NCOA6: variants seen among roughly 807,000 people sequenced by gnomAD.
NCOA6 encodes the protein NRC RAP250.
In NCOA6, 49 loss-of-function variants were observed where a neutral mutation model predicts 171.4. The ratio of observed to expected loss-of-function variants is 0.29; its 90% confidence interval spans 0.23 to 0.36. The LOEUF (loss-of-function observed/expected upper bound fraction) is 0.36, where lower values mean the gene tolerates loss of function less well. Among genes scored for constraint, NCOA6 ranks in the 10% least tolerant of loss-of-function variants. The pLI, the probability that NCOA6 is intolerant of heterozygous loss-of-function variation, is 1.00. For synonymous variants in NCOA6, 910 were observed against 927.5 expected, an observed-to-expected ratio of 0.98 and a Z score of 0.34; for missense variants, 2,248 against 2,554.5, an observed-to-expected ratio of 0.88 and a Z score of 2.59.
intron 8 of NCOA6, among the ~76,000 whole-genome samples, chr20:34,752,888 T>TG (rs2076530791): frequency 6.9e-6 from 1 of 145,234 alleles, no homozygotes; most frequent in African/African-American, 2.6e-5. Flanking sequence ...CACTCCAGCT[T>TG]GGGCACAAGA....
At chr20:34,791,462 A>G (rs533762585) in intron 2 of NCOA6, among the ~76,000 whole-genome samples, 5 of 152,160 alleles carry the variant, frequency 3.3e-5, no homozygotes, top group Admixed American at 1.3e-4. Flanking sequence ...CTTTGTTCCT[A>G]ATAGCACTCC....
intron 1 of NCOA6, among the ~76,000 whole-genome samples, chr20:34,807,326 C>A (rs2078486888): frequency 6.6e-6 from 1 of 152,188 alleles, no homozygotes; most frequent in Non-Finnish European, 1.5e-5. Context: ...CCAGCCCTGG[C>A]TGACACCTTG....
At chr20:34,791,799 T>C (rs2077894920) in intron 2 of NCOA6, among the ~76,000 whole-genome samples, 1 of 151,960 alleles carries the variant, frequency 6.6e-6, no homozygotes, top group African/African-American at 2.4e-5. Flanking sequence ...ATACTGTACA[T>C]GAAGGAAATT....
intron 2 of NCOA6, among the ~76,000 whole-genome samples, chr20:34,782,999 G>C (rs908820821): frequency 1.2e-4 from 19 of 152,094 alleles, no homozygotes; most frequent in African/African-American, 4.3e-4. Context: ...TTATATGAAA[G>C]GGCTGGGCGC....
In NCOA6 at chr20:34,741,721, T is replaced by C; in HGVS notation, c.4535A>G (p.Asp1512Gly). 1 of 1,614,214 alleles carries C rather than the reference T, an allele frequency of 6.2e-7. No individual in the cohort carries two copies. The highest frequency in any genetic ancestry group is 8.5e-7 in the Non-Finnish European group (1 of 1,180,036). Residue 1512 changes from aspartate (D) to glycine (G), a missense_variant, in exon 11 of 15, where the codon GAT becomes GGT. Physicochemically the swap from Asp to Gly is moderately conservative, Grantham distance 94. Coordinates refer to ENST00000359003, the MANE Select transcript of NCOA6 (RefSeq NM_014071.5). ...AACTACTGGAGGTGTTACTTCCAGATCTGTAAGCCCAGGGGGTTTAATTGT... is the reference window on the plus strand; with the variant it reads ...AACTACTGGAGGTGTTACTTCCAGACCTGTAAGCCCAGGGGGTTTAATTGT... The part of the protein sequence containing the change: ...NVTIKPPGLT[D>G]LEVTPPVVSG...
intron 14 of NCOA6, among the ~76,000 whole-genome samples, chr20:34,719,013 A>C (rs1988956691): frequency 6.6e-6 from 1 of 152,244 alleles, no homozygotes; most frequent in Admixed American, 6.5e-5. Flanking sequence ...CTAGCAGTGT[A>C]GTCAAATCAT....
chr20:34,799,207 A>G (rs116060136), intron 1 of NCOA6, among the ~76,000 whole-genome samples: 2,149 of 152,284 alleles, frequency 0.014, 59 homozygotes, highest in African/African-American at 0.049. Flanking sequence ...CATACTAAAG[A>G]ATGCATCAGT....
intron 14 of NCOA6, among the ~76,000 whole-genome samples, chr20:34,725,182 C>T (rs1056587369): frequency 1.3e-5 from 2 of 152,294 alleles, no homozygotes; most frequent in South Asian, 4.1e-4. Context: ...TTGATAATTA[C>T]TGATTGGTAC....
chr20:34,782,195 C>T lies in NCOA6; in HGVS notation c.161G>A (p.Gly54Glu). ...TTTGAAGTCTTTATCATCTATATTT[C>T]CTTTGAAGGCCACAAAAATTGTGGA... ...EDSTIFVAFK[G>E]NIDDKDFKWK... The change falls in exon 3 of 15, where the codon GGA (glycine) becomes GAA (glutamate). Residue 54 changes from glycine (G) to glutamate (E), a missense_variant. By Grantham distance (98) the Gly-to-Glu change is moderately conservative. Around this residue, in one of 7 missense-constraint regions of NCOA6, gnomAD observed 987 missense variants for 1,104.7 expected, o/e 0.89. Coordinates refer to ENST00000359003, the MANE Select transcript of NCOA6 (RefSeq NM_014071.5). 2 of 1,612,416 alleles carry T rather than the reference C, an allele frequency of 1.2e-6. No individual in the cohort carries two copies. Among genetic ancestry groups the T allele is most frequent in the East Asian group, 4.5e-5 (2 of 44,744 alleles).
At chr20:34,728,516 G>A (rs1298622966) in intron 13 of NCOA6, among the ~76,000 whole-genome samples, 13 of 152,072 alleles carry the variant, frequency 8.5e-5, no homozygotes, top group Admixed American at 7.9e-4. Flanking sequence ...TTGGGTACAG[G>A]CCAGGGATGC....
intron 1 of NCOA6, among the ~76,000 whole-genome samples, chr20:34,811,806 C>T (rs2146631245): frequency 6.6e-6 from 1 of 152,284 alleles, no homozygotes; most frequent in Admixed American, 6.5e-5. Context: ...AACCACACAA[C>T]CTTAAATGTT....
chr20:34,774,275 T>C (rs2077242738), intron 4 of NCOA6, among the ~76,000 whole-genome samples: 1 of 152,250 alleles, frequency 6.6e-6, no homozygotes, highest in Non-Finnish European at 1.5e-5. Flanking sequence ...CCACATATTG[T>C]TATTTTATCC....
chr20:34,742,655 C>G lies in NCOA6; in HGVS notation c.3601G>C (p.Ala1201Pro). ...SSHGHHFPNVAAPTQTSRPKT... is the reference protein window; with the variant it reads ...SSHGHHFPNVPAPTQTSRPKT... ...GGCCTAGATGTCTGGGTTGGCGCAGCCACATTTGGGAAGTGGTGGCCGTGA... is the reference window on the plus strand; with the variant it reads ...GGCCTAGATGTCTGGGTTGGCGCAGGCACATTTGGGAAGTGGTGGCCGTGA... The change falls in exon 11 of 15, where the codon GCT becomes CCT. Residue 1201 changes from alanine (A) to proline (P), a missense_variant. By Grantham distance (27) the Ala-to-Pro change is conservative (BLOSUM62 -1). Transcript: ENST00000359003. 6.2e-7 allele frequency: 1 copy of G among 1,614,140 alleles called. No homozygotes were observed. Among genetic ancestry groups the G allele is most frequent in the Non-Finnish European group, 8.5e-7 (1 of 1,180,024 alleles).
At chr20:34,745,273 T>C (rs1195588341) in intron 10 of NCOA6, among the ~76,000 whole-genome samples, 1 of 152,206 alleles carries the variant, frequency 6.6e-6, no homozygotes, top group Non-Finnish European at 1.5e-5. Context: ...TTTAAGACAC[T>C]GCATAGCAAC....
At chr20:34,799,798 G>C (rs1201462190) in intron 1 of NCOA6, among the ~76,000 whole-genome samples, 2 of 152,078 alleles carry the variant, frequency 1.3e-5, no homozygotes, top group Non-Finnish European at 2.9e-5. Flanking sequence ...CCAAACAAAA[G>C]CTGAGGGATT....
At chr20:34,810,460 C>A (rs926304552) in intron 1 of NCOA6, among the ~76,000 whole-genome samples, 1 of 152,126 alleles carries the variant, frequency 6.6e-6, no homozygotes, top group African/African-American at 2.4e-5. Flanking sequence ...AACACATGTC[C>A]TGGGTTCATA....
intron 5 of NCOA6, among the ~76,000 whole-genome samples, chr20:34,760,029 G>C (rs2076768855): frequency 6.6e-6 from 1 of 152,160 alleles, no homozygotes; most frequent in Non-Finnish European, 1.5e-5. Flanking sequence ...TGTAATCCCA[G>C]AGCTTTTGGA....
intron 1 of NCOA6, among the ~76,000 whole-genome samples, chr20:34,810,166 C>T (rs1046045800): frequency 1.3e-4 from 20 of 152,124 alleles, no homozygotes; most frequent in Non-Finnish European, 7.3e-5. Context: ...CATCAATTAA[C>T]ACATTTTTAC....
rs1256846506 is a variant in NCOA6 at position 34,742,862 on chromosome 20, G to C, written c.3394C>G (p.Leu1132Val). ...GCTTCACTGCCACTTGCTTCAGGGA[G>C]TGAGGCCATCTCCGCCAGTGGCGAG... The part of the protein sequence containing the change: ...SSSPLAEMAS[L>V]PEASGSEAPS... Residue 1132 changes from leucine to valine, a missense_variant, in exon 11 of 15, where the codon CTC (leucine) becomes GTC (valine). Leu to Val is a conservative substitution (Grantham distance 32, BLOSUM62 1). Around this residue, in one of 7 missense-constraint regions of NCOA6, gnomAD observed 352 missense variants for 419.1 expected, o/e 0.84. Transcript: ENST00000359003. 4.3e-6 allele frequency: 7 copies of C among 1,614,132 alleles called. No homozygotes were observed. The highest frequency in any genetic ancestry group is 5.9e-6 in the Non-Finnish European group (7 of 1,180,044).
Sources: gnomAD v4.1 joint callset for allele counts (sites outside exome capture counted in the v4.1 genomes callset) on GRCh38, gnomAD v4.1.1 for gene constraint, gnomAD v4.1.1 regional missense constraint, MANE v1.5 for transcripts, NCBI Gene and HGNC (gene_info 2026-07-23, HGNC 2026-07-21) for gene names.